Variants in ULK4 observed in about 807,000 individuals in gnomAD.
ULK4 encodes the protein unc-51 like kinase 4.
ULK4 carries 133 observed loss-of-function variants against 160.6 expected under a neutral mutation model. The ratio of observed to expected loss-of-function variants is 0.83; its 90% CI spans 0.72 to 0.96. The LOEUF (loss-of-function observed/expected upper bound fraction) is 0.96, where lower values mean the gene tolerates loss of function less well. Among genes scored for constraint, ULK4 ranks in the 40% least tolerant of loss-of-function variants. The pLI, the probability that ULK4 is intolerant of heterozygous loss-of-function variation, is 0.00. For missense variants in ULK4, 1,580 were observed against 1,499.5 expected (o/e 1.05, Z -0.89); for synonymous variants, 534 against 539.8 (o/e 0.99, Z 0.15).
At chr3:41,444,077 C>T (rs777555243) in intron 34 of ULK4, among the ~76,000 whole-genome samples, 13 of 152,016 alleles carry the variant, frequency 8.6e-5, no homozygotes, top group South Asian at 2.1e-4. Context: ...AGTGGAATGA[C>T]GACATTAAAA....
chr3:41,780,028 C>T (rs185550566), intron 21 of ULK4, among the ~76,000 whole-genome samples: 9 of 150,334 alleles, frequency 6.0e-5, no homozygotes, highest in East Asian at 1.9e-4. Flanking sequence ...GGCCAGATGC[C>T]GTGGCTCACA....
At position 41,387,380 on chromosome 3, in the gene ULK4, TA is replaced by T. The variant is rs199658851; in HGVS notation, c.3678+10698del. ...ATTTTGTATCTTTTTTTTTCTTTTT[TA>T]TATCATTATACTTTAAGTTTTAGGG... On this transcript the variant is annotated intron_variant, in intron 35 of 36. Coordinates refer to ENST00000301831, the MANE Select transcript of ULK4 (RefSeq NM_017886.4). 6.7e-3 allele frequency among the ~76,000 whole-genome samples: 1,014 copies of T among 152,140 alleles called. 4 individuals are homozygous for T. Among genetic ancestry groups the T allele is most frequent in the East Asian group, 0.015 (78 of 5,172 alleles).
At chr3:41,940,710 AAAAAT>A (rs1297376070) in intron 2 of ULK4, among the ~76,000 whole-genome samples, 2 of 152,150 alleles carry the variant, frequency 1.3e-5, no homozygotes, top group East Asian at 1.9e-4. Context: ...AATAAATATA[AAAAAT>A]AAAATAAAGA....
In ULK4 at chr3:41,500,475, T is replaced by C. The variant is rs1575317685; in HGVS notation, c.3227-37222A>G. 2.0e-5 allele frequency among the ~76,000 whole-genome samples: 3 copies of C among 152,094 alleles called. No individual in the cohort carries two copies. In the South Asian group the frequency reaches 6.2e-4, roughly 32 times the overall value. ...GTGATGATTAAAGGGAGGAGGGGTA[T>C]TGAGGGCAAGGAGAGGCCCACCTGA... On this transcript the variant is annotated intron_variant, in intron 32 of 36. Coordinates refer to ENST00000301831, the MANE Select transcript of ULK4 (RefSeq NM_017886.4).
At chr3:41,600,997 G>A (rs1415882063) in intron 31 of ULK4, among the ~76,000 whole-genome samples, 1 of 152,056 alleles carries the variant, frequency 6.6e-6, no homozygotes, top group East Asian at 1.9e-4. Flanking sequence ...CAAGAGATCA[G>A]GAAAAGAACA....
At chr3:41,352,062 G>T (rs1261644404) in intron 35 of ULK4, among the ~76,000 whole-genome samples, 1 of 152,130 alleles carries the variant, frequency 6.6e-6, no homozygotes, top group African/African-American at 2.4e-5. Flanking sequence ...GTTCCTTAAG[G>T]TGCATGTGAA....
rs1697538856 is a variant in ULK4, at chr3:41,882,004, G to T, written c.1656+1870C>A. The T allele has an allele frequency of 9.5e-6, 5 of 528,744 alleles. No individual in the cohort carries two copies. In the Admixed American group the frequency reaches 1.5e-4, roughly 16 times the overall value. 32.8% of individuals were successfully genotyped at this position (528,744 alleles called of 1,614,324 possible). ...AAGTGGGAGTACAGCAGCAGCAACA[G>T]CAAGTACCAGTAGAATGAGGCCATC... On this transcript the variant is annotated intron_variant, in intron 17 of 36. Coordinates refer to ENST00000301831, the MANE Select transcript of ULK4 (RefSeq NM_017886.4).
chr3:41,780,110 G>C (rs115882047), intron 21 of ULK4, among the ~76,000 whole-genome samples: 7 of 151,206 alleles, frequency 4.6e-5, no homozygotes, highest in Non-Finnish European at 4.4e-5. Context: ...CCAAGAGCTC[G>C]ATAGCAGCCT....
intron 2 of ULK4, among the ~76,000 whole-genome samples, chr3:41,945,451 TCA>T (rs1437560057): frequency 6.6e-6 from 1 of 152,202 alleles, no homozygotes; most frequent in African/African-American, 2.4e-5. Context: ...GCAAACCAAT[TCA>T]CAGTTACCCA....
At chr3:41,857,541 A>T (rs1011073239) in intron 17 of ULK4, among the ~76,000 whole-genome samples, 19 of 152,096 alleles carry the variant, frequency 1.2e-4, no homozygotes, top group African/African-American at 4.3e-4. Flanking sequence ...GATTGGTATC[A>T]GTTGGTTCTG....
chr3:41,763,480 T>C (rs1324309033), intron 21 of ULK4, among the ~76,000 whole-genome samples: 1 of 151,954 alleles, frequency 6.6e-6, no homozygotes, highest in African/African-American at 2.4e-5. Context: ...AGAGGGCAAT[T>C]ACCATTGCTG....
At chr3:41,417,905 C>T (rs1037703218) in intron 34 of ULK4, among the ~76,000 whole-genome samples, 2 of 152,084 alleles carry the variant, frequency 1.3e-5, no homozygotes, top group African/African-American at 2.4e-5. Context: ...ACAGCAGGTG[C>T]AAAAAGATCA....
chr3:41,891,686 C>A (rs1420956715), intron 16 of ULK4, among the ~76,000 whole-genome samples: 1 of 152,126 alleles, frequency 6.6e-6, no homozygotes, highest in Non-Finnish European at 1.5e-5. Flanking sequence ...GCAGGTGGAT[C>A]ACCTGAGATC....
rs142954496 is a variant in ULK4 at position 41,405,256 on chromosome 3, C to T, written c.3493-6992G>A. ...TTGGTTTTGACCCTGTGTTAATTCA[C>T]TTAGGATAATGGCCTCCAACTCCAT... On this transcript the variant is annotated intron_variant, in intron 34 of 36. Transcript: ENST00000301831. 1.2e-3 allele frequency among the ~76,000 whole-genome samples: 187 copies of T among 152,282 alleles called. 1 individual carries two copies. Among genetic ancestry groups the T allele is most frequent in the Middle Eastern group, 3.4e-3 (1 of 294 alleles).
chr3:41,254,948 G>T (rs1432271182), intron 35 of ULK4, among the ~76,000 whole-genome samples: 1 of 151,640 alleles, frequency 6.6e-6, no homozygotes, highest in East Asian at 1.9e-4. Context: ...ACCCAAACTG[G>T]GAAGAAAACA....
At chr3:41,474,928 G>A (rs913753193) in intron 32 of ULK4, among the ~76,000 whole-genome samples, 7 of 151,632 alleles carry the variant, frequency 4.6e-5, no homozygotes, top group East Asian at 1.9e-4. Flanking sequence ...AAAAGTATAC[G>A]GAGGCTCCTT....
At chr3:41,947,081 A>T (rs1268720664) in intron 2 of ULK4, among the ~76,000 whole-genome samples, 2 of 152,248 alleles carry the variant, frequency 1.3e-5, no homozygotes, top group African/African-American at 4.8e-5. Context: ...TAATCCCAGC[A>T]CTTTGGGAGG....
intron 21 of ULK4, among the ~76,000 whole-genome samples, chr3:41,757,098 T>C (rs1012542020): frequency 1.3e-5 from 2 of 152,096 alleles, no homozygotes; most frequent in African/African-American, 4.8e-5. Flanking sequence ...TAAAGGGTGA[T>C]TTTCTTGATA....
In ULK4 at chr3:41,331,205, C is replaced by A. The variant is rs6805049; in HGVS notation, c.3678+66874G>T. Among the ~76,000 whole-genome samples the A allele has an allele frequency of 4.2e-3, 632 of 152,208 alleles. 3 individuals are homozygous for A. Among genetic ancestry groups the A allele is most frequent in the African/African-American group, 0.015 (605 of 41,522 alleles). ...TCTAGTTAGTCTGACTTGTACCAAG[C>A]AGATGTCCAGCTGGGGGCAGGGAGC... On this transcript the variant is annotated intron_variant, in intron 35 of 36. Coordinates refer to ENST00000301831, the MANE Select transcript of ULK4 (RefSeq NM_017886.4).
Sources: gnomAD v4.1 joint callset for allele counts (sites outside exome capture counted in the v4.1 genomes callset) on GRCh38, gnomAD v4.1.1 for gene constraint, MANE v1.5 for transcripts, NCBI Gene and HGNC (gene_info 2026-07-23, HGNC 2026-07-21) for gene names.